Variants in GNA14 observed in about 807,000 individuals in gnomAD.
The protein encoded by GNA14 is G protein subunit alpha 14, also known as guanine nucleotide-binding protein subunit alpha-14.
GNA14 carries 50 observed loss-of-function variants against 42.0 expected under a neutral mutation model. That is an observed-to-expected ratio of 1.19 (90% CI 0.95 to 1.51). The LOEUF is 1.51. Ranked by LOEUF, GNA14 falls within the 40% of genes most tolerant of loss-of-function variation. GNA14 has a pLI of 0.00. For synonymous variants in GNA14, 173 were observed against 163.1 expected (o/e 1.06, Z -0.46); for missense variants, 473 against 446.2 (o/e 1.06, Z -0.54).
chr9:77,453,141 G>A (rs1043981693), intron 2 of GNA14, among the ~76,000 whole-genome samples: 2 of 151,944 alleles, frequency 1.3e-5, no homozygotes, highest in Admixed American at 1.3e-4. Flanking sequence ...CCCTGTTCCT[G>A]AAAAAATAAA....
intron 2 of GNA14, among the ~76,000 whole-genome samples, chr9:77,477,657 A>G (rs1399923065): frequency 6.6e-6 from 1 of 152,226 alleles, no homozygotes; most frequent in African/African-American, 2.4e-5. Flanking sequence ...GACATTCTCC[A>G]AAATAAAACA....
intron 1 of GNA14, among the ~76,000 whole-genome samples, chr9:77,608,929 TCC>T (rs1340893236): frequency 2.6e-5 from 4 of 152,036 alleles, no homozygotes; most frequent in Non-Finnish European, 5.9e-5. Context: ...GCTGATCAAA[TCC>T]TTCATTCACA....
intron 1 of GNA14, among the ~76,000 whole-genome samples, chr9:77,628,200 T>C (rs772252003): frequency 1.1e-4 from 16 of 152,142 alleles, no homozygotes; most frequent in Non-Finnish European, 1.8e-4. Context: ...GTGAAGGACC[T>C]CTTCAAGAGA....
At chr9:77,539,252 T>C (rs1273734502) in intron 1 of GNA14, among the ~76,000 whole-genome samples, 2 of 152,264 alleles carry the variant, frequency 1.3e-5, no homozygotes, top group South Asian at 2.1e-4. Flanking sequence ...TTTCTCCATT[T>C]ATGGAGGTAA....
At chr9:77,548,003 G>C (rs1226264160) in intron 1 of GNA14, among the ~76,000 whole-genome samples, 1 of 152,190 alleles carries the variant, frequency 6.6e-6, no homozygotes, top group Non-Finnish European at 1.5e-5. Context: ...TCGGAGATGG[G>C]AATCATAATC....
At chr9:77,455,864 T>A (rs1396381251) in intron 2 of GNA14, among the ~76,000 whole-genome samples, 1 of 152,206 alleles carries the variant, frequency 6.6e-6, no homozygotes, top group Non-Finnish European at 1.5e-5. Flanking sequence ...TTATGAGTAC[T>A]TGTATCTTAC....
intron 1 of GNA14, among the ~76,000 whole-genome samples, chr9:77,629,112 AC>A (rs1411730349): frequency 1.3e-5 from 2 of 152,236 alleles, no homozygotes; most frequent in Non-Finnish European, 2.9e-5. Context: ...TATGTGGCCA[AC>A]AAACATGTGA....
intron 1 of GNA14, among the ~76,000 whole-genome samples, chr9:77,563,058 G>T (rs552723863): frequency 2.4e-4 from 36 of 152,130 alleles, no homozygotes; most frequent in Non-Finnish European, 4.9e-4. Flanking sequence ...AACCAGTCTG[G>T]CATTTGTGTT....
intron 1 of GNA14, among the ~76,000 whole-genome samples, chr9:77,603,962 A>C (rs28373203): frequency 0.013 from 802 of 63,460 alleles, 5 homozygotes; most frequent in Non-Finnish European, 0.021. Flanking sequence ...AAAACAAAAA[A>C]AAAAAAAAAA....
At chr9:77,636,091 G>C (rs952902922) in intron 1 of GNA14, among the ~76,000 whole-genome samples, 1 of 152,170 alleles carries the variant, frequency 6.6e-6, no homozygotes, top group African/African-American at 2.4e-5. Context: ...TGGATTAGAA[G>C]ATAATTCTAC....
intron 2 of GNA14, among the ~76,000 whole-genome samples, chr9:77,461,564 T>G (rs903523342): frequency 6.6e-6 from 1 of 152,170 alleles, no homozygotes; most frequent in Non-Finnish European, 1.5e-5. Context: ...TCACCATCTT[T>G]ATCAGAAGGG....
intron 1 of GNA14, among the ~76,000 whole-genome samples, chr9:77,623,260 A>AAAAAG (rs1823961457): frequency 6.9e-6 from 1 of 144,990 alleles, no homozygotes; most frequent in East Asian, 2.0e-4. Flanking sequence ...AAAAGGAAAG[A>AAAAAG]AAAAGAAAAA....
intron 1 of GNA14, among the ~76,000 whole-genome samples, chr9:77,576,804 G>A (rs947617691): frequency 6.6e-6 from 1 of 151,612 alleles, no homozygotes; most frequent in Non-Finnish European, 1.5e-5. Flanking sequence ...AAAAAAGAAT[G>A]CTATACACCT....
chr9:77,457,195 G>C (rs558453117), intron 2 of GNA14, among the ~76,000 whole-genome samples: 1 of 152,344 alleles, frequency 6.6e-6, no homozygotes, highest in South Asian at 2.1e-4. Context: ...GACCCTTTGA[G>C]AAAGTGGGAG....
At chr9:77,568,081 C>G (rs1822998936) in intron 1 of GNA14, among the ~76,000 whole-genome samples, 1 of 152,130 alleles carries the variant, frequency 6.6e-6, no homozygotes, top group Non-Finnish European at 1.5e-5. Flanking sequence ...ACAGAGTAGT[C>G]TTTCTTGTTT....
intron 1 of GNA14, among the ~76,000 whole-genome samples, chr9:77,612,202 A>G (rs1401911244): frequency 1.3e-5 from 2 of 152,172 alleles, no homozygotes; most frequent in Non-Finnish European, 2.9e-5. Context: ...GAAAGTAGAC[A>G]CCAAAAACTA....
At chr9:77,586,876 C>T (rs943042538) in intron 1 of GNA14, among the ~76,000 whole-genome samples, 3 of 152,132 alleles carry the variant, frequency 2.0e-5, no homozygotes, top group African/African-American at 4.8e-5. Flanking sequence ...CACGCCTGGT[C>T]CCCCAGGTAG....
chr9:77,585,758 G>A (rs1049706986), intron 1 of GNA14, among the ~76,000 whole-genome samples: 20 of 152,156 alleles, frequency 1.3e-4, no homozygotes, highest in Non-Finnish European at 2.2e-4. Flanking sequence ...TGCCTGTGAC[G>A]TCTATCCAAT....
intron 1 of GNA14, among the ~76,000 whole-genome samples, chr9:77,566,969 C>T (rs1448451868): frequency 2.6e-5 from 4 of 152,138 alleles, no homozygotes; most frequent in African/African-American, 9.7e-5. Flanking sequence ...GGCCCCAAAG[C>T]TCTATTTTCC....
Sources: gnomAD v4.1 joint callset for allele counts (sites outside exome capture counted in the v4.1 genomes callset) on GRCh38, gnomAD v4.1.1 for gene constraint, MANE v1.5 for transcripts, NCBI Gene and HGNC (gene_info 2026-07-23, HGNC 2026-07-21) for gene names.